SLC2A9: variants seen among roughly 807,000 people sequenced by gnomAD.
The protein encoded by SLC2A9 is solute carrier family 2 member 9.
SLC2A9 carries 39 observed loss-of-function variants against 50.6 expected under a neutral mutation model. The observed-to-expected ratio is 0.77, with a 90% CI of 0.60 to 1.01. The LOEUF is 1.01. Among genes scored for constraint, SLC2A9 ranks in the 50% least tolerant of loss-of-function variants. SLC2A9 has a pLI of 0.00. For synonymous variants in SLC2A9, 324 were observed against 276.9 expected, an observed-to-expected ratio of 1.17 and a Z score of -1.69; for missense variants, 686 against 677.6, an observed-to-expected ratio of 1.01 and a Z score of -0.14.
chr4:9,790,388 C>T (rs1010258396), intron 3 of SLC2A9, among the ~76,000 whole-genome samples: 4 of 152,158 alleles, frequency 2.6e-5, no homozygotes, highest in African/African-American at 7.2e-5. Flanking sequence ...ATGGAGGGGG[C>T]TCTATTTTTC....
intron 5 of SLC2A9, among the ~76,000 whole-genome samples, chr4:9,966,793 A>T (rs1753119583): frequency 6.6e-6 from 1 of 151,390 alleles, no homozygotes; most frequent in Admixed American, 6.6e-5. Context: ...CTTTTTTCCT[A>T]CCCTTTTCCC....
intron 1 of SLC2A9, among the ~76,000 whole-genome samples, chr4:9,772,066 T>C (rs1197846544): frequency 6.6e-6 from 1 of 152,194 alleles, no homozygotes; most frequent in African/African-American, 2.4e-5. Context: ...TAATGTGGGT[T>C]GCAGGGAATC....
intron 10 of SLC2A9, among the ~76,000 whole-genome samples, chr4:9,860,942 T>C (rs1385802934): frequency 6.6e-6 from 1 of 152,216 alleles, no homozygotes; most frequent in Non-Finnish European, 1.5e-5. Context: ...TCTTGTCTCC[T>C]GATCTCTGCT....
chr4:9,996,887 C>T lies in SLC2A9; in HGVS notation c.304G>A (p.Asp102Asn). The T allele has an allele frequency of 6.2e-7, 1 of 1,614,180 alleles. No homozygotes were observed. Among genetic ancestry groups the T allele is most frequent in the Non-Finnish European group, 8.5e-7 (1 of 1,180,022 alleles). The change falls in exon 3 of 12, where the codon GAC (aspartate) becomes AAC (asparagine). Residue 102 changes from aspartate (D) to asparagine (N), a missense_variant. Physicochemically the swap from Asp to Asn is conservative, Grantham distance 23 (BLOSUM62 1). Coordinates refer to ENST00000264784, the MANE Select transcript of SLC2A9 (RefSeq NM_020041.3). ...SWERRHGRPI[D>N]PDTLTLLWSV... ...CAGAGCAAAGTCAGAGTGTCTGGGTCTATTGGACGTCCATGCCTTCTTTCC... is the reference window on the plus strand; with the variant it reads ...CAGAGCAAAGTCAGAGTGTCTGGGTTTATTGGACGTCCATGCCTTCTTTCC...
intron 3 of SLC2A9, among the ~76,000 whole-genome samples, chr4:9,785,476 G>A (rs184803549): frequency 1.3e-5 from 2 of 152,332 alleles, no homozygotes; most frequent in African/African-American, 4.8e-5. Context: ...GAAGTCCATA[G>A]TCACGACTTG....
chr4:9,999,635 G>A (rs1759411447), intron 2 of SLC2A9, among the ~76,000 whole-genome samples: 1 of 152,088 alleles, frequency 6.6e-6, no homozygotes, highest in African/African-American at 2.4e-5. Context: ...AAGTTGGAGG[G>A]GCAAGAAAGG....
chr4:9,893,592 G>A (rs933118166), intron 8 of SLC2A9, among the ~76,000 whole-genome samples: 1 of 151,476 alleles, frequency 6.6e-6, no homozygotes, highest in Non-Finnish European at 1.5e-5. Flanking sequence ...GAGGGAGTGA[G>A]GGAGGGAGGG....
chr4:10,003,032 G>C (rs1411653293), intron 2 of SLC2A9, among the ~76,000 whole-genome samples: 1 of 152,202 alleles, frequency 6.6e-6, no homozygotes, highest in Non-Finnish European at 1.5e-5. Context: ...ACAGGGGGTA[G>C]AGGCTGCCCC....
chr4:9,832,483 G>T (rs1464258), intron 11 of SLC2A9, among the ~76,000 whole-genome samples: 82,063 of 151,902 alleles, frequency 0.54, 23,341 homozygotes, highest in Non-Finnish European at 0.63. Context: ...GGCTGTTCCT[G>T]CTCCGATGAA....
downstream of SLC2A9, among the ~76,000 whole-genome samples, chr4:9,774,976 C>A (rs555546313): frequency 5.6e-4 from 86 of 152,270 alleles, 2 homozygotes; most frequent in Middle Eastern, 0.041. Context: ...ACACATCAAT[C>A]CAGGCCAGAA....
intron 1 of SLC2A9, among the ~76,000 whole-genome samples, chr4:9,772,824 TA>T (rs1239607705): frequency 8.3e-5 from 5 of 60,264 alleles, no homozygotes; most frequent in African/African-American, 2.5e-4. Flanking sequence ...TTTTTTTTTT[TA>T]TTTTTTTTTT....
At chr4:10,024,234 G>A (rs915722772), upstream of SLC2A9, among the ~76,000 whole-genome samples, 1 of 152,146 alleles carries the variant, frequency 6.6e-6, no homozygotes, top group Admixed American at 6.5e-5. Flanking sequence ...CCCTCTGCAC[G>A]GGAGCTCACT....
At chr4:9,791,155 T>C (rs1719869539) in intron 3 of SLC2A9, among the ~76,000 whole-genome samples, 1 of 152,248 alleles carries the variant, frequency 6.6e-6, no homozygotes, top group African/African-American at 2.4e-5. Flanking sequence ...TTGCCTCTGA[T>C]TCTCAGATTC....
chr4:9,970,130 G>A (rs1473507730), intron 5 of SLC2A9, among the ~76,000 whole-genome samples: 10 of 152,264 alleles, frequency 6.6e-5, no homozygotes, highest in African/African-American at 1.2e-4. Context: ...ACACACTCCC[G>A]CTAGGGAACC....
intron 5 of SLC2A9, among the ~76,000 whole-genome samples, chr4:9,951,242 A>C (rs1000882299): frequency 8.5e-5 from 13 of 152,252 alleles, no homozygotes; most frequent in Admixed American, 7.9e-4. Context: ...AGGCACAAAA[A>C]GACAAATATT....
At chr4:9,990,039 T>C (rs1166521267) in intron 3 of SLC2A9, among the ~76,000 whole-genome samples, 3 of 152,098 alleles carry the variant, frequency 2.0e-5, no homozygotes, top group African/African-American at 4.8e-5. Flanking sequence ...GTTTTCTACA[T>C]TGGTCCTTGT....
At chr4:9,781,583 G>C (rs994680288) in intron 3 of SLC2A9, 1 of 157,728 alleles carries the variant, frequency 6.3e-6, no homozygotes, top group Non-Finnish European at 1.4e-5. Context: ...GCGGAGGCTC[G>C]GGGGGCGGGA....
At chr4:9,938,892 C>T (rs1186208707) in intron 6 of SLC2A9, among the ~76,000 whole-genome samples, 1 of 152,188 alleles carries the variant, frequency 6.6e-6, no homozygotes, top group Non-Finnish European at 1.5e-5. Flanking sequence ...GGGACTCATT[C>T]CCTGCCACTA....
At chr4:10,037,702 A>G (rs1764150455) in intron 1 of SLC2A9, among the ~76,000 whole-genome samples, 1 of 152,196 alleles carries the variant, frequency 6.6e-6, no homozygotes, top group South Asian at 2.1e-4. Flanking sequence ...TAATCCCAGC[A>G]CTATGGAAGG....
Sources: gnomAD v4.1 joint callset for allele counts (sites outside exome capture counted in the v4.1 genomes callset) on GRCh38, gnomAD v4.1.1 for gene constraint, MANE v1.5 for transcripts, NCBI Gene and HGNC (gene_info 2026-07-23, HGNC 2026-07-21) for gene names.